ADGRL2: variants seen among roughly 807,000 people sequenced by gnomAD.
ADGRL2 encodes calcium-independent alpha-latrotoxin receptor 2.
Under a neutral mutation model 157.4 loss-of-function variants are expected in ADGRL2, and 44 were observed. That is an observed-to-expected ratio of 0.28 (90% CI 0.22 to 0.36). ADGRL2 has a LOEUF of 0.36. ADGRL2 is among the 10% of genes least tolerant of loss of function. The pLI is 1.00. For missense variants in ADGRL2, 1,510 were observed against 1,768.9 expected (o/e 0.85, Z 2.63); for synonymous variants, 585 against 624.7 (o/e 0.94, Z 0.95).
rs997591532 is a variant in ADGRL2, at chr1:81,503,227, G to A, written c.-248+58138G>A. 1.1e-5 allele frequency: 17 copies of A among 1,614,202 alleles called. No individual in the cohort carries two copies. The East Asian group carries it at 3.6e-4, about 34-fold the overall frequency. ...CAGGGAAGACAGAGCAGAGGCCTCG[G>A]CTGCAGCACTGAACCTGACCACGAG... On this transcript the variant is annotated intron_variant, in intron 2 of 24. Coordinates refer to the ADGRL2 transcript ENST00000370721.
intron 2 of ADGRL2, among the ~76,000 whole-genome samples, chr1:81,768,479 CT>C (rs111907751): frequency 1.3e-3 from 189 of 144,132 alleles, no homozygotes; most frequent in Middle Eastern, 7.4e-3. Context: ...TGAAGTACCT[CT>C]TTTTTTTTTT....
At chr1:81,566,455 G>A (rs771145525) in intron 2 of ADGRL2, among the ~76,000 whole-genome samples, 20 of 152,076 alleles carry the variant, frequency 1.3e-4, no homozygotes, top group Non-Finnish European at 2.5e-4. Context: ...GTAAATTAAC[G>A]TAATAAGTCA....
At chr1:81,757,980 A>G (rs17459475) in intron 1 of ADGRL2, among the ~76,000 whole-genome samples, 10,807 of 152,286 alleles carry the variant, frequency 0.071, 485 homozygotes, top group South Asian at 0.17. Context: ...CAAGGAACAT[A>G]AACTAGAACT....
chr1:81,748,448 A>G (rs910674370), intron 1 of ADGRL2, among the ~76,000 whole-genome samples: 19 of 145,162 alleles, frequency 1.3e-4, no homozygotes, highest in Non-Finnish European at 3.0e-5. Flanking sequence ...CAGCCTGGCA[A>G]TAGAGGGAGA....
At chr1:81,337,012 G>A (rs1409632031) in intron 1 of ADGRL2, among the ~76,000 whole-genome samples, 2 of 152,178 alleles carry the variant, frequency 1.3e-5, no homozygotes, top group Middle Eastern at 3.4e-3. Flanking sequence ...TGACATCAGC[G>A]AGAAGCAGCC....
rs1664885882 is a variant in ADGRL2 at position 81,993,085 on chromosome 1, ATATTTTTTTTT to A, written c.*1942_*1952del. Among the ~76,000 whole-genome samples, 1 of 32,112 alleles carries A rather than the reference ATATTTTTTTTT, an allele frequency of 3.1e-5. No homozygotes were observed. Among genetic ancestry groups the A allele is most frequent in the African/African-American group, 1.6e-4 (1 of 6,276 alleles). The allele number at this position is 32,112 out of a possible 152,430, so 21.1% of individuals were successfully genotyped here. ...TATATATATATATATATATATATATATATTTTTTTTTTTTTTTTTTTTTTTTTTTTTTTTGG... is the reference window on the plus strand; with the variant it reads ...TATATATATATATATATATATATATATTTTTTTTTTTTTTTTTTTTTTTGG... On this transcript the variant is annotated 3_prime_UTR_variant, in exon 24 of 24. Coordinates refer to ENST00000686636, the MANE Select transcript of ADGRL2 (RefSeq NM_001366006.2).
intron 2 of ADGRL2, among the ~76,000 whole-genome samples, chr1:81,839,255 A>G (rs945603173): frequency 3.9e-5 from 6 of 152,070 alleles, no homozygotes; most frequent in Admixed American, 3.3e-4. Context: ...GTAAACTCAG[A>G]TAAGTTTTCC....
At chr1:81,515,613 C>T (rs947973203) in intron 2 of ADGRL2, among the ~76,000 whole-genome samples, 2 of 151,996 alleles carry the variant, frequency 1.3e-5, no homozygotes, top group African/African-American at 4.8e-5. Context: ...TTCAGTGTTT[C>T]TTCCCTTAGA....
rs1002174332 is a variant in ADGRL2, at chr1:81,426,058, T to C, written c.-301-18978T>C. ...ACAAATTTATTTGACCAAAGTTTCA[T>C]GTGGTAGAAAGCCTTCAGAAATGAA... is the stretch of plus-strand genomic sequence containing the variant. On this transcript the variant is annotated intron_variant, in intron 1 of 24. Transcript: ENST00000370721. Among the ~76,000 whole-genome samples the C allele has an allele frequency of 5.3e-5, 8 of 152,218 alleles. No individual in the cohort carries two copies. The East Asian group carries it at 1.5e-3, about 29-fold the overall frequency.
chr1:81,479,527 T>C (rs977652143), intron 2 of ADGRL2, among the ~76,000 whole-genome samples: 5 of 152,100 alleles, frequency 3.3e-5, no homozygotes, highest in African/African-American at 9.7e-5. Flanking sequence ...TTAGATACTC[T>C]GTAGGCATCA....
At chr1:81,841,726 G>C (rs1232791752) in intron 2 of ADGRL2, among the ~76,000 whole-genome samples, 1 of 152,122 alleles carries the variant, frequency 6.6e-6, no homozygotes, top group Non-Finnish European at 1.5e-5. Context: ...TTTCATAAGG[G>C]CAGGGATGTT....
At chr1:81,364,442 T>C (rs570838440) in intron 1 of ADGRL2, among the ~76,000 whole-genome samples, 54 of 152,246 alleles carry the variant, frequency 3.5e-4, no homozygotes, top group Non-Finnish European at 2.9e-4. Context: ...AACAATTCAA[T>C]TGGGTAGGTA....
intron 1 of ADGRL2, among the ~76,000 whole-genome samples, chr1:81,400,260 G>A (rs1290820648): frequency 6.6e-6 from 1 of 152,038 alleles, no homozygotes; most frequent in Non-Finnish European, 1.5e-5. Context: ...TGGGTTCCAG[G>A]TGCAGGCACT....
chr1:81,469,320 C>T (rs1477203724), intron 2 of ADGRL2, among the ~76,000 whole-genome samples: 2 of 152,112 alleles, frequency 1.3e-5, no homozygotes, highest in Non-Finnish European at 2.9e-5. Context: ...TTTAAAAATG[C>T]TTCTCCATCT....
chr1:81,701,893 A>G (rs755677677), intron 1 of ADGRL2, among the ~76,000 whole-genome samples: 28 of 152,332 alleles, frequency 1.8e-4, no homozygotes, highest in South Asian at 4.1e-4. Flanking sequence ...TCCCTGGGAC[A>G]TAGATGTTTT....
chr1:81,743,108 GA>G (rs1243044103), intron 1 of ADGRL2, among the ~76,000 whole-genome samples: 3 of 151,968 alleles, frequency 2.0e-5, no homozygotes, highest in Non-Finnish European at 4.4e-5. Flanking sequence ...AGTTTAGGGA[GA>G]AAGCTAGCCT....
intron 1 of ADGRL2, among the ~76,000 whole-genome samples, chr1:81,319,136 G>A (rs1296641102): frequency 4.0e-5 from 6 of 150,540 alleles, no homozygotes; most frequent in African/African-American, 1.2e-4. Flanking sequence ...TAGTAGAGAC[G>A]GGGTTTCTCC....
rs140064471 is a variant in ADGRL2 at position 81,873,111 on chromosome 1, C to T, written c.74-33906C>T. On this transcript the variant is annotated intron_variant, in intron 2 of 23. Coordinates refer to ENST00000686636, the MANE Select transcript of ADGRL2 (RefSeq NM_001366006.2). ...CTTGACATGTAAAGGCATTTTAAGC[C>T]ACCTACCTATTTCCAAGATGGTATA... Among the ~76,000 whole-genome samples, 317 of 152,132 alleles carry T rather than the reference C, an allele frequency of 2.1e-3. 2 individuals are homozygous for T. The highest frequency in any genetic ancestry group is 3.5e-3 in the Non-Finnish European group (240 of 67,950).
At chr1:81,347,738 C>T (rs1254874552) in intron 1 of ADGRL2, among the ~76,000 whole-genome samples, 5 of 152,010 alleles carry the variant, frequency 3.3e-5, no homozygotes, top group South Asian at 2.1e-4. Flanking sequence ...TGTGGCTGAA[C>T]GAACAGTTGA....
Sources: gnomAD v4.1 joint callset for allele counts (sites outside exome capture counted in the v4.1 genomes callset) on GRCh38, gnomAD v4.1.1 for gene constraint, MANE v1.5 for transcripts, NCBI Gene and HGNC (gene_info 2026-07-23, HGNC 2026-07-21) for gene names.